Variants in NOP16 observed in about 807,000 individuals in gnomAD.
NOP16 encodes NOP16 nucleolar protein.
NOP16 carries 14 observed loss-of-function variants against 22.7 expected under a neutral mutation model. That is an observed-to-expected ratio of 0.62 (90% CI 0.41 to 0.97). The LOEUF (loss-of-function observed/expected upper bound fraction) is 0.97. NOP16 is among the 50% of genes least tolerant of loss of function. NOP16 has a pLI of 0.00. For missense variants in NOP16, 198 were observed against 235.9 expected, an observed-to-expected ratio of 0.84 and a Z score of 1.05; for synonymous variants, 80 against 83.6, an observed-to-expected ratio of 0.96 and a Z score of 0.23.
At position 176,384,036 on chromosome 5, in the gene NOP16, G is replaced by T. The variant is rs1382466207; in HGVS notation, c.*195C>A. 6.5e-7 allele frequency: 1 copy of T among 1,543,484 alleles called. No homozygotes were observed. The highest frequency in any genetic ancestry group is 2.4e-5 in the East Asian group (1 of 41,124). On this transcript the variant is annotated 3_prime_UTR_variant, in exon 5 of 5. Coordinates refer to ENST00000614830, the MANE Select transcript of NOP16 (RefSeq NM_016391.8). ...CTGGCTTTTCCGTGAACCCCCAGAT[G>T]AATATAAATTGGAGCCTCTGAGAAC...
chr5:176,384,639 A>G (rs958654612), intron 4 of NOP16: 7 of 483,726 alleles, frequency 1.4e-5, no homozygotes, highest in Middle Eastern at 1.1e-3. Flanking sequence ...CAATAAATTA[A>G]CCATCCTGTG....
chr5:176,385,334 T>A lies in NOP16; in HGVS notation c.287-7A>T, dbSNP rs772745761. 2.0e-6 allele frequency: 3 copies of A among 1,530,800 alleles called. No individual in the cohort carries two copies. In the South Asian group the frequency reaches 3.4e-5, roughly 17 times the overall value. 94.8% of individuals were successfully genotyped at this position (1,530,800 alleles called of 1,614,324 possible). ...CTGGCTTCTGCCTCCAGGTCTGGAGTGATGAGAGAAGCGGGGAGACAGGGA... is the reference window on the plus strand; with the variant it reads ...CTGGCTTCTGCCTCCAGGTCTGGAGAGATGAGAGAAGCGGGGAGACAGGGA... On this transcript the variant is annotated splice_polypyrimidine_tract_variant and splice_region_variant and intron_variant, in intron 3 of 4. Coordinates refer to ENST00000614830, the MANE Select transcript of NOP16 (RefSeq NM_016391.8).
chr5:176,386,984 AC>A (rs1315708883), intron 2 of NOP16, 75 bp from the exon 3 acceptor site: 1 of 1,270,618 alleles, frequency 7.9e-7, no homozygotes, highest in Non-Finnish European at 1.2e-6. Flanking sequence ...TTATCCCAAC[AC>A]AACTACTAAC....
chr5:176,386,511 A>G, intron 3 of NOP16: 1 of 394,112 alleles, frequency 2.5e-6, no homozygotes, highest in South Asian at 2.2e-5. Context: ...GAGATGGTGG[A>G]ATCCCTAAAA....
intron 2 of NOP16, among the ~76,000 whole-genome samples, chr5:176,387,224 C>A (rs1323766999): frequency 6.6e-6 from 1 of 152,104 alleles, no homozygotes. Context: ...GGATTACAAT[C>A]ATGCGCCACC....
At chr5:176,385,616 A>G (rs1755780078) in intron 3 of NOP16, among the ~76,000 whole-genome samples, 1 of 152,244 alleles carries the variant, frequency 6.6e-6, no homozygotes, top group Admixed American at 6.5e-5. Context: ...GTACCAGACT[A>G]ATAACCTCTA....
intron 4 of NOP16, chr5:176,384,943 T>C (rs1755712885): frequency 1.8e-6 from 1 of 560,394 alleles, no homozygotes; most frequent in East Asian, 2.8e-5. Flanking sequence ...CCTGGGTGAC[T>C]GAGCAAGACT....
intron 3 of NOP16, chr5:176,385,909 G>GA (rs1184673442): frequency 6.6e-6 from 1 of 152,512 alleles, no homozygotes; most frequent in Non-Finnish European, 1.5e-5. Flanking sequence ...TTCTCATCTA[G>GA]AAAGAGAGAG....
rs778703816 is a variant in NOP16 at position 176,388,580 on chromosome 5, T to C, written c.-41A>G. 6.4e-6 allele frequency: 10 copies of C among 1,556,414 alleles called. No homozygotes were observed. Among genetic ancestry groups the C allele is most frequent in the South Asian group, 1.1e-5 (1 of 88,532 alleles). ...ACCAGCAGCTCAAACACGCTGCCTC[T>C]GTCTCTCAGACCTCGTGTAACAAAC... On this transcript the variant is annotated 5_prime_UTR_variant, in exon 1 of 5. Coordinates refer to ENST00000614830, the MANE Select transcript of NOP16 (RefSeq NM_016391.8).
intron 2 of NOP16, among the ~76,000 whole-genome samples, chr5:176,387,672 G>A: frequency 6.6e-6 from 1 of 152,184 alleles, no homozygotes; most frequent in East Asian, 1.9e-4. Context: ...AGTTGTTGAA[G>A]CCTCCAGGGG....
intron 1 of NOP16, 29 bp from the exon 2 acceptor site, chr5:176,388,372 C>G (rs892709775): frequency 5.0e-6 from 8 of 1,612,324 alleles, no homozygotes; most frequent in Non-Finnish European, 5.1e-6. Flanking sequence ...ATCGCGGATC[C>G]GTCATCTCGC....
At chr5:176,385,602 G>A (rs1412690656) in intron 3 of NOP16, among the ~76,000 whole-genome samples, 1 of 152,218 alleles carries the variant, frequency 6.6e-6, no homozygotes. Context: ...GATTTACAAG[G>A]AAGGTACCAG....
At chr5:176,387,468 T>C (rs766584854) in intron 2 of NOP16, among the ~76,000 whole-genome samples, 9 of 152,270 alleles carry the variant, frequency 5.9e-5, no homozygotes, top group South Asian at 2.1e-4. Context: ...ATTTGTTCCA[T>C]TGCCTTAGGC....
intron 4 of NOP16, 92 bp from the exon 5 acceptor site, chr5:176,384,466 T>A: frequency 7.8e-7 from 1 of 1,286,856 alleles, no homozygotes; most frequent in South Asian, 1.4e-5. Context: ...TTGCTATCTA[T>A]CCCTGAGGTC....
At chr5:176,386,267 A>G (rs183888036) in intron 3 of NOP16, 85 of 179,686 alleles carry the variant, frequency 4.7e-4, no homozygotes, top group Admixed American at 4.6e-3. Flanking sequence ...AATTCTTATG[A>G]GAACCACTGA....
In NOP16 at chr5:176,385,262, A is replaced by G; in HGVS notation, c.352T>C (p.Tyr118His). 1 of 1,612,260 alleles carries G rather than the reference A, an allele frequency of 6.2e-7. No individual in the cohort carries two copies. The highest frequency in any genetic ancestry group is 8.5e-7 in the Non-Finnish European group (1 of 1,178,256). ...GNTLSRDLID[Y>H]VRYMVENHGE... is the part of the protein sequence containing the mutation. ...TGGTTCTCTACCATGTAGCGTACAT[A>G]GTCAATGAGGTCCCGAGACAGAGTA... is the stretch of plus-strand genomic sequence containing the variant. The change falls in exon 4 of 5, where the codon TAT becomes CAT. Residue 118 changes from tyrosine to histidine, a missense_variant. Physicochemically the swap from Tyr to His is moderately conservative, Grantham distance 83. Coordinates refer to ENST00000614830, the MANE Select transcript of NOP16 (RefSeq NM_016391.8).
intron 3 of NOP16, among the ~76,000 whole-genome samples, chr5:176,385,785 G>C (rs1755796049): frequency 6.6e-6 from 1 of 152,196 alleles, no homozygotes; most frequent in Admixed American, 6.5e-5. Flanking sequence ...GCCGGGTCTG[G>C]GGCCTGAGGC....
chr5:176,388,586 T>TCAGACCTCGTGTAA lies in NOP16; in HGVS notation c.-48_-47insTTACACGAGGTCTG. 1 of 1,538,572 alleles carries TCAGACCTCGTGTAA rather than the reference T, an allele frequency of 6.5e-7. No individual in the cohort carries two copies. Among genetic ancestry groups the TCAGACCTCGTGTAA allele is most frequent in the Non-Finnish European group, 8.9e-7 (1 of 1,118,706 alleles). Reference sequence around the variant, plus strand: ...AGCTCAAACACGCTGCCTCTGTCTCTCAGACCTCGTGTAACAAACTCCTTC... The same window carrying TCAGACCTCGTGTAA: ...AGCTCAAACACGCTGCCTCTGTCTCTCAGACCTCGTGTAACAGACCTCGTGTAACAAACTCCTTC... On this transcript the variant is annotated 5_prime_UTR_variant, in exon 1 of 5. Coordinates refer to ENST00000614830, the MANE Select transcript of NOP16 (RefSeq NM_016391.8).
At chr5:176,388,106 A>G (rs1310326120) in intron 2 of NOP16, 129 bp downstream of exon 2, 1 of 666,218 alleles carries the variant, frequency 1.5e-6, no homozygotes, top group Admixed American at 2.7e-5. Flanking sequence ...GAGCGTTCTG[A>G]CTGTGGGGAG....
Sources: gnomAD v4.1 joint callset for allele counts (sites outside exome capture counted in the v4.1 genomes callset) on GRCh38, gnomAD v4.1.1 for gene constraint, MANE v1.5 for transcripts, NCBI Gene and HGNC (gene_info 2026-07-23, HGNC 2026-07-21) for gene names.